PCSK6: variants seen among roughly 807,000 people sequenced by gnomAD.
The protein encoded by PCSK6 is paired basic amino acid cleaving enzyme 4.
A neutral mutation model predicts 123.3 loss-of-function variants in PCSK6; 85 were observed. The ratio of observed to expected loss-of-function variants is 0.69; its 90% CI spans 0.58 to 0.83. The LOEUF (loss-of-function observed/expected upper bound fraction) is 0.83. PCSK6 is among the 40% of genes least tolerant of loss of function. The pLI is 0.00. For missense variants in PCSK6, 1,191 were observed against 1,282.3 expected (o/e 0.93, Z 1.09); for synonymous variants, 508 against 516.0 (o/e 0.98, Z 0.21).
At chr15:101,461,311 T>C (rs762977119) in intron 1 of PCSK6, among the ~76,000 whole-genome samples, 2 of 152,052 alleles carry the variant, frequency 1.3e-5, no homozygotes, top group African/African-American at 2.4e-5. Context: ...AACCACTAAC[T>C]AAAAAACAAA....
At chr15:101,369,971 G>A (rs2041527957) in intron 12 of PCSK6, among the ~76,000 whole-genome samples, 1 of 152,202 alleles carries the variant, frequency 6.6e-6, no homozygotes, top group South Asian at 2.1e-4. Context: ...CGATTCAAAA[G>A]CCAACTGAAT....
At position 101,431,474 on chromosome 15, in the gene PCSK6, GA is replaced by G. The variant is rs776613097; in HGVS notation, c.514-12del. The G allele has an allele frequency of 5.0e-6, 8 of 1,613,188 alleles. No homozygotes were observed. The Admixed American group carries it at 1.3e-4, about 27-fold the overall frequency. The stretch of plus-strand genomic sequence containing the variant: ...CTTGTCGCCACAATGCTGTAAGCAC[GA>G]AAGACACAAAGTCCCCCCGACATGG... On this transcript the variant is annotated splice_polypyrimidine_tract_variant and intron_variant, in intron 3 of 21. Transcript: ENST00000611716.
chr15:101,456,232 C>T (rs967028457), intron 1 of PCSK6, among the ~76,000 whole-genome samples: 3 of 82,946 alleles, frequency 3.6e-5, no homozygotes, highest in African/African-American at 9.1e-5. Flanking sequence ...CGGATGGTCC[C>T]CTCCACGTGC....
intron 13 of PCSK6, among the ~76,000 whole-genome samples, chr15:101,348,944 G>A (rs774776208): frequency 6.6e-6 from 1 of 152,184 alleles, no homozygotes; most frequent in Non-Finnish European, 1.5e-5. Context: ...CCTGGATAAC[G>A]GGTCAGATTT....
At chr15:101,331,772 C>T in intron 14 of PCSK6, 80 bp downstream of exon 14, 1 of 1,596,888 alleles carries the variant, frequency 6.3e-7, no homozygotes. Flanking sequence ...TTGCCAGGAG[C>T]AGCCCTACAT....
At chr15:101,427,315 G>A (rs1469069274) in intron 6 of PCSK6, among the ~76,000 whole-genome samples, 1 of 152,174 alleles carries the variant, frequency 6.6e-6, no homozygotes, top group East Asian at 1.9e-4. Context: ...GAGCAGGCAT[G>A]AGGCTGCCAT....
intron 1 of PCSK6, among the ~76,000 whole-genome samples, chr15:101,462,503 C>T (rs1333596357): frequency 1.3e-5 from 2 of 152,152 alleles, no homozygotes; most frequent in African/African-American, 2.4e-5. Flanking sequence ...AGACTTGCCC[C>T]ACCACATATC....
At chr15:101,386,102 C>T (rs1051361930) in intron 9 of PCSK6, among the ~76,000 whole-genome samples, 3 of 152,040 alleles carry the variant, frequency 2.0e-5, no homozygotes, top group African/African-American at 2.4e-5. Context: ...TCTCGGTGCA[C>T]GTTTACTAGG....
At chr15:101,393,109 C>T in intron 8 of PCSK6, 103 bp downstream of exon 8, 1 of 971,074 alleles carries the variant, frequency 1.0e-6, no homozygotes, top group Non-Finnish European at 1.6e-6. Flanking sequence ...CCGGAACAAT[C>T]TGGCCTCAAT....
At chr15:101,467,311 C>T (rs1025861387) in intron 1 of PCSK6, among the ~76,000 whole-genome samples, 5 of 150,996 alleles carry the variant, frequency 3.3e-5, no homozygotes, top group South Asian at 2.1e-4. Context: ...CTCGCTCTGT[C>T]GCCCAGGCTG....
chr15:101,305,601 G>A lies in PCSK6; in HGVS notation c.2813-246C>T, dbSNP rs1026857097. 3.1e-5 allele frequency: 13 copies of A among 416,690 alleles called. No individual in the cohort carries two copies. The highest frequency in any genetic ancestry group is 2.4e-4 in the African/African-American group (12 of 49,404). The allele number at this position is 416,690 out of a possible 1,614,324, so 25.8% of individuals were successfully genotyped here. A position where few individuals can be genotyped will look rare whatever the true frequency, so the allele number is the denominator to read the frequency against. On this transcript the variant is annotated intron_variant, in intron 21 of 21. Transcript: ENST00000611716. This position sits in a 1 kb window ranked among gnomAD's most constrained non-coding sequence, Gnocchi z 4.8. ...TGGGCACCTGTAATCCAAGCTACTC[G>A]GGAGGCTAAAGCAGGAGAACCACCT...
intron 2 of PCSK6, among the ~76,000 whole-genome samples, 180 bp downstream of exon 2, chr15:101,443,376 C>T (rs2056805501): frequency 6.6e-6 from 1 of 152,182 alleles, no homozygotes. Flanking sequence ...CTGAGAGATC[C>T]TCACTCACAT....
At chr15:101,317,159 G>C (rs370191182) in intron 19 of PCSK6, among the ~76,000 whole-genome samples, 1 of 152,088 alleles carries the variant, frequency 6.6e-6, no homozygotes, top group Non-Finnish European at 1.5e-5. Flanking sequence ...TGATCCACCC[G>C]CCTTGGCCTC....
At chr15:101,436,826 A>C (rs2056615201) in intron 2 of PCSK6, among the ~76,000 whole-genome samples, 1 of 152,198 alleles carries the variant, frequency 6.6e-6, no homozygotes, top group African/African-American at 2.4e-5. Flanking sequence ...CCAACCAGCT[A>C]AAGAGCTCAG....
chr15:101,352,304 C>T (rs1281681993), intron 13 of PCSK6, among the ~76,000 whole-genome samples: 2 of 151,702 alleles, frequency 1.3e-5, no homozygotes, highest in African/African-American at 2.4e-5. Context: ...GCCGCCACTG[C>T]GCCCGGCTAA....
At chr15:101,428,988 G>C (rs996614140) in intron 5 of PCSK6, among the ~76,000 whole-genome samples, 1 of 152,216 alleles carries the variant, frequency 6.6e-6, no homozygotes, top group Non-Finnish European at 1.5e-5. Context: ...GCTGCTGCAG[G>C]CTCGCGGGAG....
At chr15:101,325,340 C>T (rs1184305173) in intron 16 of PCSK6, among the ~76,000 whole-genome samples, 2 of 152,326 alleles carry the variant, frequency 1.3e-5, no homozygotes, top group South Asian at 2.1e-4. Context: ...TTGGAACTGT[C>T]GGCTCTGGCA....
At chr15:101,374,183 C>T (rs2041667520) in intron 11 of PCSK6, among the ~76,000 whole-genome samples, 1 of 152,196 alleles carries the variant, frequency 6.6e-6, no homozygotes, top group African/African-American at 2.4e-5. Context: ...ATCCCAAATG[C>T]TCTCCACCCG....
At chr15:101,395,499 C>G (rs2042382796) in intron 7 of PCSK6, among the ~76,000 whole-genome samples, 1 of 152,244 alleles carries the variant, frequency 6.6e-6, no homozygotes, top group Non-Finnish European at 1.5e-5. Context: ...AACCTTTCCC[C>G]TCCTTAAAAC....
Sources: allele counts gnomAD v4.1 joint callset (sites outside exome capture counted in the v4.1 genomes callset), GRCh38; gene constraint gnomAD v4.1.1; non-coding constraint Gnocchi (gnomAD v3.1); transcripts MANE v1.5; gene names NCBI Gene and HGNC (gene_info 2026-07-23, HGNC 2026-07-21).